Variants in NFIB observed in about 807,000 individuals in gnomAD.
The protein encoded by NFIB is nuclear factor 1 B-type.
In NFIB, 11 loss-of-function variants were observed where a neutral mutation model predicts 61.5. That is an observed-to-expected ratio of 0.18 (90% CI 0.11 to 0.30). The LOEUF (loss-of-function observed/expected upper bound fraction) is 0.30, where lower values mean the gene tolerates loss of function less well. NFIB is among the 10% of genes least tolerant of loss of function. The pLI, the probability that NFIB is intolerant of heterozygous loss-of-function variation, is 1.00. For synonymous variants in NFIB, 260 were observed against 216.5 expected, an observed-to-expected ratio of 1.20 and a Z score of -1.76; for missense variants, 471 against 608.9, an observed-to-expected ratio of 0.77 and a Z score of 2.38.
chr9:14,234,543 T>C (rs542563117), intron 2 of NFIB, among the ~76,000 whole-genome samples: 3 of 151,976 alleles, frequency 2.0e-5, no homozygotes, highest in Non-Finnish European at 4.4e-5. Flanking sequence ...CTAATTTTTG[T>C]ATTTTTAGTA....
chr9:14,402,341 C>T (rs573435354), upstream of NFIB, among the ~76,000 whole-genome samples: 1 of 152,292 alleles, frequency 6.6e-6, no homozygotes, highest in Admixed American at 6.5e-5. Flanking sequence ...ATCCCATTTT[C>T]TCTTTTCACC....
chr9:14,294,150 A>G (rs1293813995), intron 2 of NFIB, among the ~76,000 whole-genome samples: 2 of 152,238 alleles, frequency 1.3e-5, no homozygotes, highest in Non-Finnish European at 2.9e-5. Context: ...AAAAGGGATT[A>G]ATGTAGTATA....
intron 2 of NFIB, among the ~76,000 whole-genome samples, chr9:14,217,676 A>AAAAAAAAAAAAAAAAAAAAAC: frequency 1.3e-5 from 2 of 151,350 alleles, no homozygotes; most frequent in African/African-American, 4.8e-5. Context: ...AAAAAAAAAA[A>AAAAAAAAAAAAAAAAAAAAAC]AAAAAGACAC....
At chr9:14,414,953 C>A in the NFIB span, among the ~76,000 whole-genome samples, 1 of 152,140 alleles carries the variant, frequency 6.6e-6, no homozygotes, top group African/African-American at 2.4e-5. Flanking sequence ...GACTAATAAA[C>A]CACCACACAT....
chr9:14,276,774 G>C (rs1247738457), intron 2 of NFIB, among the ~76,000 whole-genome samples: 1 of 151,982 alleles, frequency 6.6e-6, no homozygotes, highest in African/African-American at 2.4e-5. Flanking sequence ...GTTTCTTAGG[G>C]ACTGTTTGCC....
At position 14,091,987 on chromosome 9, in the gene NFIB, C is replaced by G. The variant is rs565382939; in HGVS notation, c.1468-3661G>C. Among the ~76,000 whole-genome samples, 19 of 151,984 alleles carry G rather than the reference C, an allele frequency of 1.3e-4. No homozygotes were observed. The East Asian group carries it at 3.3e-3, about 26-fold the overall frequency. On this transcript the variant is annotated intron_variant, in intron 10 of 10. Coordinates refer to ENST00000380953, the MANE Select transcript of NFIB (RefSeq NM_001190737.2). ...GATACTATTTTCTTGCTATTTTGAC[C>G]AAATGTATGACATGGCTCCCCCCAA...
chr9:14,347,969 C>T lies in NFIB; in HGVS notation c.109-40449G>A, dbSNP rs1564023418. ...GTGTCTGGTCTCCGCGCACCACGTG[C>T]GCTCGCGGTCCTTGGCGGGGACGTT... is the stretch of plus-strand genomic sequence containing the variant. On this transcript the variant is annotated intron_variant, in intron 1 of 8. Transcript: ENST00000380934. Among the ~76,000 whole-genome samples the T allele has an allele frequency of 2.6e-5, 4 of 152,280 alleles. No homozygotes were observed. The South Asian group carries it at 8.3e-4, about 32-fold the overall frequency.
chr9:14,452,446 GGAA>G, the NFIB span, among the ~76,000 whole-genome samples: 16 of 45,852 alleles, frequency 3.5e-4, 2 homozygotes, highest in African/African-American at 9.7e-4. Context: ...GGGAAGGAAA[GGAA>G]AGGAAAGGAA....
the NFIB span, among the ~76,000 whole-genome samples, chr9:14,482,232 G>T: frequency 0.02 from 3,097 of 152,204 alleles, 55 homozygotes; most frequent in Middle Eastern, 0.038. Context: ...ATCAAAAGTA[G>T]CTCCTCCATT....
the NFIB span, among the ~76,000 whole-genome samples, chr9:14,456,802 G>A: frequency 4.6e-5 from 7 of 152,236 alleles, no homozygotes; most frequent in South Asian, 8.3e-4. Context: ...AAGCACCGAA[G>A]AACATACTCT....
At chr9:14,357,406 AGGTG>A (rs1412897012) in intron 1 of NFIB, 3 of 152,252 alleles carry the variant, frequency 2.0e-5, no homozygotes, top group Non-Finnish European at 4.4e-5. Flanking sequence ...ACCTGGCCTC[AGGTG>A]CTGCAAAGGG....
chr9:14,185,808 G>A lies in NFIB; in HGVS notation c.563-6028C>T, dbSNP rs996233250. Among the ~76,000 whole-genome samples the A allele has an allele frequency of 5.4e-4, 82 of 152,190 alleles. 1 individual carries two copies. Among genetic ancestry groups the A allele is most frequent in the Non-Finnish European group, 7.8e-4 (53 of 68,032 alleles). On this transcript the variant is annotated intron_variant, in intron 2 of 10. Transcript: ENST00000380953. ...CCAGGGCTAAGTCTCTCAGTCTAAT[G>A]TAAGGCTCAATCCTACTTCCCAACT...
At chr9:14,135,818 G>C (rs989102510) in intron 6 of NFIB, among the ~76,000 whole-genome samples, 6 of 152,048 alleles carry the variant, frequency 3.9e-5, no homozygotes, top group Admixed American at 2.6e-4. Context: ...TTTCAAATGA[G>C]AAAGTATGGT....
At chr9:14,459,085 C>T in the NFIB span, among the ~76,000 whole-genome samples, 2 of 151,986 alleles carry the variant, frequency 1.3e-5, no homozygotes, top group African/African-American at 2.4e-5. Flanking sequence ...AAGAACAAAG[C>T]TGGAGGCATC....
chr9:14,112,947 C>A, intron 10 of NFIB, 52 bp downstream of exon 10: 1 of 1,519,198 alleles, frequency 6.6e-7, no homozygotes. Flanking sequence ...CATGGAGAAG[C>A]ACGGAAGCGA....
In NFIB at chr9:14,261,937, T is replaced by A. The variant is rs1304213725; in HGVS notation, c.562+45052A>T. Among the ~76,000 whole-genome samples, 4 of 152,242 alleles carry A rather than the reference T, an allele frequency of 2.6e-5. No individual in the cohort carries two copies. In the South Asian group the frequency reaches 8.3e-4, roughly 32 times the overall value. ...TCAGGGAACAATTTCCTCCTTTGCT[T>A]TGGGAGAGACAGAGGATTGCAAGGC... On this transcript the variant is annotated intron_variant, in intron 2 of 10. Transcript: ENST00000380953.
chr9:14,228,638 C>G (rs564441234), intron 2 of NFIB, among the ~76,000 whole-genome samples: 1 of 152,302 alleles, frequency 6.6e-6, no homozygotes, highest in African/African-American at 2.4e-5. Context: ...ATTCAAATTG[C>G]TTGCAAATTG....
At chr9:14,381,885 T>C (rs1246796484) in intron 1 of NFIB, among the ~76,000 whole-genome samples, 2 of 152,250 alleles carry the variant, frequency 1.3e-5, no homozygotes, top group Non-Finnish European at 2.9e-5. Flanking sequence ...GTGAAACGTT[T>C]TGAGTGCTCC....
chr9:14,316,806 A>G (rs2060553465), upstream of NFIB, among the ~76,000 whole-genome samples: 1 of 152,158 alleles, frequency 6.6e-6, no homozygotes, highest in African/African-American at 2.4e-5. Flanking sequence ...TACTGATAAT[A>G]CCAGCTTTAA....
Sources: allele counts gnomAD v4.1 joint callset (sites outside exome capture counted in the v4.1 genomes callset), GRCh38; gene constraint gnomAD v4.1.1; transcripts MANE v1.5; gene names NCBI Gene and HGNC (gene_info 2026-07-23, HGNC 2026-07-21).